SNX29: variants seen among roughly 807,000 people sequenced by gnomAD.
SNX29 encodes the protein sorting nexin-29.
SNX29 carries 78 observed loss-of-function variants against 102.1 expected under a neutral mutation model. The observed-to-expected ratio is 0.76, with a 90% confidence interval of 0.64 to 0.92. SNX29 has a LOEUF of 0.92. SNX29 is among the 40% of genes least tolerant of loss of function. SNX29 has a pLI of 0.00. For missense variants in SNX29, 1,280 were observed against 1,061.7 expected (o/e 1.21, Z -2.86); for synonymous variants, 580 against 414.5 (o/e 1.40, Z -4.85).
intron 18 of SNX29, among the ~76,000 whole-genome samples, chr16:12,431,172 A>T (rs2085297511): frequency 1.3e-5 from 2 of 151,956 alleles, no homozygotes; most frequent in Admixed American, 1.3e-4. Context: ...TTAAATGTGG[A>T]GTTGGGAGTG....
intron 11 of SNX29, among the ~76,000 whole-genome samples, chr16:12,123,899 C>G (rs750552457): frequency 1.3e-5 from 2 of 152,074 alleles, no homozygotes; most frequent in Non-Finnish European, 2.9e-5. Context: ...TGGGTGTGGC[C>G]GTGTTTGGGG....
intron 18 of SNX29, among the ~76,000 whole-genome samples, chr16:12,404,209 C>G (rs2084073544): frequency 6.6e-6 from 1 of 152,150 alleles, no homozygotes; most frequent in Admixed American, 6.5e-5. Context: ...ACAAGCGGGA[C>G]CTGTAGACAT....
intron 16 of SNX29, among the ~76,000 whole-genome samples, chr16:12,386,297 G>C (rs1023006726): frequency 2.6e-5 from 4 of 152,190 alleles, no homozygotes; most frequent in African/African-American, 9.7e-5. Flanking sequence ...GAGAGCCCTG[G>C]TGATTCAGGC....
intron 18 of SNX29, among the ~76,000 whole-genome samples, chr16:12,430,043 G>A (rs1268983086): frequency 1.3e-5 from 2 of 152,194 alleles, no homozygotes; most frequent in East Asian, 3.9e-4. Flanking sequence ...CCTGAGCTCC[G>A]CCTCCTGTCA....
At chr16:12,066,128 T>C (rs1275953107) in intron 9 of SNX29, among the ~76,000 whole-genome samples, 1 of 152,158 alleles carries the variant, frequency 6.6e-6, no homozygotes, top group Non-Finnish European at 1.5e-5. Flanking sequence ...GGTGGGTCCA[T>C]GCCTTTGCCC....
In SNX29 at chr16:12,569,221, T is replaced by A. The variant is rs1567226505; in HGVS notation, c.*592T>A. On this transcript the variant is annotated 3_prime_UTR_variant, in exon 21 of 21. Transcript: ENST00000566228. ...GTCACAGCTCACTTTTCCAGAGGGA[T>A]ATTCCTGTGGCTTTGGCAAGGAGCC... The A allele has an allele frequency of 4.5e-6, 1 of 221,710 alleles. No individual in the cohort carries two copies. Among genetic ancestry groups the A allele is most frequent in the Non-Finnish European group, 9.0e-6 (1 of 111,536 alleles). The allele number at this position is 221,710 out of a possible 1,614,324, so 13.7% of individuals were successfully genotyped here.
At chr16:12,041,797 T>C (rs1257349529) in intron 4 of SNX29, among the ~76,000 whole-genome samples, 2 of 152,208 alleles carry the variant, frequency 1.3e-5, no homozygotes, top group African/African-American at 2.4e-5. Flanking sequence ...CACAGTTGCA[T>C]AGACTCTTTT....
Position 12,052,290 on chromosome 16 carries a change from C to T in SNX29, c.1124+68C>T. ...GGAGTGCCGTGGCGTGATCTCAGCT[C>T]ACTGCAACCTCCACCTCCCGGGTTC... is the stretch of plus-strand genomic sequence containing the variant. On this transcript the variant is annotated intron_variant, in intron 8 of 20. Transcript: ENST00000566228. The T allele has an allele frequency of 1.9e-6, 3 of 1,560,126 alleles. No homozygotes were observed. In the South Asian group the frequency reaches 3.4e-5, roughly 18 times the overall value.
intron 15 of SNX29, among the ~76,000 whole-genome samples, chr16:12,306,430 G>C (rs1428134836): frequency 6.6e-6 from 1 of 151,804 alleles, no homozygotes; most frequent in Non-Finnish European, 1.5e-5. Flanking sequence ...TATAAAACGA[G>C]GTCTGTTTAA....
At chr16:12,255,126 C>T (rs2078531277) in intron 14 of SNX29, among the ~76,000 whole-genome samples, 1 of 152,168 alleles carries the variant, frequency 6.6e-6, no homozygotes, top group Non-Finnish European at 1.5e-5. Flanking sequence ...TTCATCACTT[C>T]ACATACTTTT....
intron 20 of SNX29, among the ~76,000 whole-genome samples, chr16:12,554,661 G>C (rs911652235): frequency 3.3e-5 from 5 of 152,278 alleles, no homozygotes; most frequent in Non-Finnish European, 5.9e-5. Flanking sequence ...TTGTGCATTT[G>C]CTAACCACAG....
rs1377285597 is a variant in SNX29 at position 12,078,933 on chromosome 16, C to T, written c.1402+18C>T. On this transcript the variant is annotated intron_variant, in intron 11 of 20. Transcript: ENST00000566228. ...GACAATTAGTAAGTACTTTCGCAGCCCCCTCCACCAGCTCTGGGATGACTT... is the reference window on the plus strand; with the variant it reads ...GACAATTAGTAAGTACTTTCGCAGCTCCCTCCACCAGCTCTGGGATGACTT... The T allele has an allele frequency of 1.3e-6, 2 of 1,581,042 alleles. No homozygotes were observed. Among genetic ancestry groups the T allele is most frequent in the Admixed American group, 1.8e-5 (1 of 55,074 alleles).
At chr16:12,494,979 C>A (rs770514116) in intron 19 of SNX29, among the ~76,000 whole-genome samples, 1 of 152,184 alleles carries the variant, frequency 6.6e-6, no homozygotes, top group African/African-American at 2.4e-5. Context: ...CTCATTTAAT[C>A]TCGTCAGTAT....
At chr16:12,015,713 T>G (rs1183709597) in intron 3 of SNX29, among the ~76,000 whole-genome samples, 1 of 145,388 alleles carries the variant, frequency 6.9e-6, no homozygotes, top group African/African-American at 2.6e-5. Flanking sequence ...CTTTTTGTAT[T>G]TTTAGTAGAG....
intron 14 of SNX29, among the ~76,000 whole-genome samples, chr16:12,235,201 TTC>T (rs1359841798): frequency 6.6e-6 from 1 of 152,184 alleles, no homozygotes; most frequent in African/African-American, 2.4e-5. Flanking sequence ...TTTCTTTCCT[TTC>T]TCTCTCTGTC....
intron 11 of SNX29, among the ~76,000 whole-genome samples, chr16:12,103,888 C>T (rs1240095915): frequency 6.6e-6 from 1 of 152,196 alleles, no homozygotes; most frequent in Admixed American, 6.5e-5. Flanking sequence ...TCCTTGTCTC[C>T]ATGATCATCC....
chr16:12,407,625 G>A (rs1322960424), intron 18 of SNX29, among the ~76,000 whole-genome samples: 1 of 151,914 alleles, frequency 6.6e-6, no homozygotes, highest in Non-Finnish European at 1.5e-5. Flanking sequence ...TGTGTGTTGT[G>A]TAATAGCTCA....
chr16:12,052,509 G>A (rs1470072369), intron 8 of SNX29: 6 of 364,746 alleles, frequency 1.6e-5, no homozygotes, highest in South Asian at 4.9e-5. Flanking sequence ...GAGCCACCAC[G>A]CCCAGCCTTC....
intron 20 of SNX29, among the ~76,000 whole-genome samples, chr16:12,529,039 C>T (rs1372529476): frequency 6.6e-6 from 1 of 152,212 alleles, no homozygotes; most frequent in Non-Finnish European, 1.5e-5. Flanking sequence ...CTGTAAGAGG[C>T]ATCATGACTT....
Sources: allele counts gnomAD v4.1 joint callset (sites outside exome capture counted in the v4.1 genomes callset), GRCh38; gene constraint gnomAD v4.1.1; transcripts MANE v1.5; gene names NCBI Gene and HGNC (gene_info 2026-07-23, HGNC 2026-07-21).